WIPI1: variants seen among roughly 807,000 people sequenced by gnomAD.
The protein encoded by WIPI1 is WD repeat domain, phosphoinositide interacting 1.
A neutral mutation model predicts 55.3 loss-of-function variants in WIPI1; 45 were observed. The ratio of observed to expected loss-of-function variants is 0.81; its 90% confidence interval spans 0.64 to 1.04. The LOEUF is 1.04. Ranked by LOEUF, WIPI1 falls within the 50% of genes least tolerant of loss-of-function variation. The probability of loss-of-function intolerance (pLI) is 0.00; values close to 1 mark genes in which losing one functional copy is unlikely to be tolerated. For missense variants in WIPI1, 445 were observed against 559.0 expected (o/e 0.80, Z 2.06); for synonymous variants, 195 against 217.6 (o/e 0.90, Z 0.92).
At chr17:68,452,593 G>C (rs570255429) in intron 2 of WIPI1, among the ~76,000 whole-genome samples, 1 of 152,238 alleles carries the variant, frequency 6.6e-6, no homozygotes, top group Non-Finnish European at 1.5e-5. Context: ...AATGTCACAA[G>C]TGTCCTTTAG....
chr17:68,438,185 G>T (rs575271935), intron 4 of WIPI1, among the ~76,000 whole-genome samples: 2 of 152,146 alleles, frequency 1.3e-5, no homozygotes, highest in Non-Finnish European at 2.9e-5. Flanking sequence ...CTTATCACTT[G>T]CCATGCATAG....
intron 4 of WIPI1, among the ~76,000 whole-genome samples, chr17:68,437,010 A>G (rs1464032679): frequency 5.1e-5 from 4 of 77,910 alleles, no homozygotes; most frequent in African/African-American, 2.4e-4. Context: ...AAAAAAATAT[A>G]TATATATGTG....
Position 68,427,159 on chromosome 17 carries a change from C to T in WIPI1, c.1168G>A (p.Ala390Thr), listed in dbSNP as rs765754572. 93 of 1,614,058 alleles carry T rather than the reference C, an allele frequency of 5.8e-5. No individual in the cohort carries two copies. In the Middle Eastern group the frequency reaches 6.6e-4, roughly 11 times the overall value. The change falls in exon 11 of 13, where the codon GCA becomes ACA. Residue 390 changes from alanine (A) to threonine (T), a missense_variant. Ala to Thr is a moderately conservative substitution (Grantham distance 58). Coordinates refer to ENST00000262139, the MANE Select transcript of WIPI1 (RefSeq NM_017983.7). The part of the protein sequence containing the change: ...SYAATVARPS[A>T]SSASTVPGYS... ...CCTGGCACCGTGGAGGCTGAAGATG[C>T]ACTTGGTCTGGCTACGGTCGCTGCA...
Position 68,433,480 on chromosome 17 carries a change from T to C in WIPI1, c.788A>G (p.Gln263Arg). The C allele has an allele frequency of 6.2e-7, 1 of 1,614,010 alleles. No homozygotes were observed. Among genetic ancestry groups the C allele is most frequent in the Non-Finnish European group, 8.5e-7 (1 of 1,179,990 alleles). Reference sequence around the variant, plus strand: ...GCGGAGTACTTGCCTGTTGGTGACCTGTTCCAGCTTGAAGATGTGTACCGT... The same window carrying C: ...GCGGAGTACTTGCCTGTTGGTGACCCGTTCCAGCTTGAAGATGTGTACCGT... ...TETVHIFKLE[Q>R]VTNSRPEEPS... is the part of the protein sequence containing the mutation. The change falls in exon 8 of 13, where the codon CAG becomes CGG. Residue 263 changes from glutamine (Q) to arginine (R), a missense_variant. Transcript: ENST00000262139.
chr17:68,436,702 C>T (rs1805177651), intron 4 of WIPI1, among the ~76,000 whole-genome samples: 1 of 152,308 alleles, frequency 6.6e-6, no homozygotes, highest in Middle Eastern at 3.4e-3. Context: ...TGCGTCCTTG[C>T]TACAGTGAAA....
intron 12 of WIPI1, among the ~76,000 whole-genome samples, chr17:68,425,371 T>C (rs1302666441): frequency 7.5e-6 from 1 of 134,114 alleles, no homozygotes; most frequent in Non-Finnish European, 1.5e-5. Flanking sequence ...ACCCGGCTAA[T>C]TTTTTCTTTT....
At chr17:68,450,632 G>T in intron 3 of WIPI1, 96 bp downstream of exon 3, 1 of 1,451,910 alleles carries the variant, frequency 6.9e-7, no homozygotes, top group East Asian at 2.3e-5. Context: ...AGAATTGGAA[G>T]CTTGTTTTAC....
At chr17:68,428,084 G>C (rs2147788644) in intron 10 of WIPI1, among the ~76,000 whole-genome samples, 1 of 152,172 alleles carries the variant, frequency 6.6e-6, no homozygotes, top group South Asian at 2.1e-4. Context: ...TTTTTGTAAG[G>C]ATGGGGTTTC....
rs771682030 is a variant in WIPI1, at chr17:68,435,614, A to G, written c.621+6T>C. On this transcript the variant is annotated splice_donor_region_variant and intron_variant, in intron 6 of 12. Transcript: ENST00000262139. Reference sequence around the variant, plus strand: ...CAGACAGAGGTGTTGGTGGGAGTGGACTCACTTTTTCAGACGCACTTGCTA... The same window carrying G: ...CAGACAGAGGTGTTGGTGGGAGTGGGCTCACTTTTTCAGACGCACTTGCTA... The G allele has an allele frequency of 6.2e-7, 1 of 1,613,858 alleles. No homozygotes were observed. The highest frequency in any genetic ancestry group is 1.1e-5 in the South Asian group (1 of 91,068).
At chr17:68,451,063 C>T (rs1303478059) in intron 2 of WIPI1, among the ~76,000 whole-genome samples, 166 bp from the exon 3 acceptor site, 1 of 152,248 alleles carries the variant, frequency 6.6e-6, no homozygotes, top group Non-Finnish European at 1.5e-5. Context: ...ACCATGCCCC[C>T]CACCCTGCCA....
At chr17:68,451,837 C>T (rs968752780) in intron 2 of WIPI1, among the ~76,000 whole-genome samples, 8 of 152,176 alleles carry the variant, frequency 5.3e-5, no homozygotes, top group African/African-American at 1.7e-4. Flanking sequence ...GTTAATGACC[C>T]TCCTGAGCAC....
At position 68,434,760 on chromosome 17, in the gene WIPI1, G is replaced by A. The variant is rs752638918; in HGVS notation, c.622-134C>T. 117 of 819,990 alleles carry A rather than the reference G, an allele frequency of 1.4e-4. 2 individuals are homozygous for A. In the African/African-American group the frequency reaches 1.5e-3, roughly 11 times the overall value. The allele number at this position is 819,990 out of a possible 1,614,324, so 50.8% of individuals were successfully genotyped here. ...GGAAGAACACCACGTTGAGCATAGA[G>A]GCATGTTTATTTATGTGCCATATCA... is the stretch of plus-strand genomic sequence containing the variant. On this transcript the variant is annotated intron_variant, in intron 6 of 12. Transcript: ENST00000262139.
At chr17:68,432,899 C>T (rs1424401096) in intron 8 of WIPI1, among the ~76,000 whole-genome samples, 3 of 152,142 alleles carry the variant, frequency 2.0e-5, no homozygotes, top group Non-Finnish European at 4.4e-5. Flanking sequence ...ACAGGTGTAA[C>T]TCAAAGCTCA....
intron 5 of WIPI1, 117 bp from the exon 6 acceptor site, chr17:68,435,829 C>T: frequency 1.1e-6 from 1 of 909,760 alleles, no homozygotes; most frequent in Non-Finnish European, 1.7e-6. Context: ...CCTGTCTCTT[C>T]CTCTGTCCCC....
chr17:68,452,764 T>C, intron 2 of WIPI1, 146 bp downstream of exon 2: 1 of 629,708 alleles, frequency 1.6e-6, no homozygotes. Context: ...GGCAACGATT[T>C]ATATTTAAAT....
chr17:68,436,993 C>CAAA (rs139267277), intron 4 of WIPI1, among the ~76,000 whole-genome samples: 1 of 124,770 alleles, frequency 8.0e-6, no homozygotes, highest in African/African-American at 2.8e-5. Context: ...GACCCCGTCT[C>CAAA]AAAAAAAAAA....
At chr17:68,425,642 A>T (rs1465401626) in intron 12 of WIPI1, among the ~76,000 whole-genome samples, 2 of 152,182 alleles carry the variant, frequency 1.3e-5, no homozygotes, top group African/African-American at 2.4e-5. Context: ...AGTCCTGAAC[A>T]CACAGCCCAG....
At chr17:68,443,196 C>T (rs891595708) in intron 4 of WIPI1, among the ~76,000 whole-genome samples, 8 of 152,210 alleles carry the variant, frequency 5.3e-5, no homozygotes, top group Admixed American at 3.9e-4. Context: ...CTGAAGCCTC[C>T]GCCTCCTGGG....
intron 4 of WIPI1, among the ~76,000 whole-genome samples, chr17:68,440,305 T>G (rs1178224136): frequency 6.6e-6 from 1 of 152,210 alleles, no homozygotes; most frequent in African/African-American, 2.4e-5. Context: ...GAATGTATCT[T>G]CGTATCTTGG....
Sources: gnomAD v4.1 joint callset for allele counts (sites outside exome capture counted in the v4.1 genomes callset) on GRCh38, gnomAD v4.1.1 for gene constraint, MANE v1.5 for transcripts, NCBI Gene and HGNC (gene_info 2026-07-23, HGNC 2026-07-21) for gene names.